The following C3orf49 variants were observed in gnomAD, a reference collection of about 807,000 sequenced individuals.
The protein encoded by C3orf49 is chromosome 3 open reading frame 49.
In C3orf49, 27 loss-of-function variants were observed where a neutral mutation model predicts 13.3. The ratio of observed to expected loss-of-function variants is 2.02; its 90% confidence interval spans 1.49 to 2.79. The LOEUF (loss-of-function observed/expected upper bound fraction) is 2.79, where lower values mean the gene tolerates loss of function less well. Ranked by LOEUF, C3orf49 falls within the 30% of genes most tolerant of loss-of-function variation. The probability of loss-of-function intolerance (pLI) is 0.00; values close to 1 mark genes in which losing one functional copy is unlikely to be tolerated. For missense variants in C3orf49, 242 were observed against 134.2 expected (o/e 1.80, Z -3.97); for synonymous variants, 87 against 47.6 (o/e 1.83, Z -3.40).
chr3:63,784,810 T>C, the C3orf49 span: 17 of 152,104 alleles, frequency 1.1e-4, no homozygotes, highest in African/African-American at 4.1e-4. Context: ...TTGAGCCAAA[T>C]ACGCACCACT....
the C3orf49 span, among the ~76,000 whole-genome samples, chr3:63,810,008 G>C: frequency 6.6e-6 from 1 of 151,846 alleles, no homozygotes; most frequent in Non-Finnish European, 1.5e-5. Flanking sequence ...AATTAGCCGG[G>C]GCATGGTGGT....
At chr3:63,838,820 C>T (rs1219646850) in intron 5 of C3orf49, among the ~76,000 whole-genome samples, 4 of 152,000 alleles carry the variant, frequency 2.6e-5, no homozygotes, top group Non-Finnish European at 4.4e-5. Context: ...CAATTCTGTT[C>T]CCACAATTTT....
intron 3 of C3orf49, among the ~76,000 whole-genome samples, chr3:63,828,180 A>C (rs1477569526): frequency 6.6e-6 from 1 of 152,166 alleles, no homozygotes; most frequent in African/African-American, 2.4e-5. Context: ...TTTAATCTTA[A>C]TTTTCATTGA....
At chr3:63,837,337 T>C (rs1385852573) in intron 5 of C3orf49, among the ~76,000 whole-genome samples, 1 of 103,190 alleles carries the variant, frequency 9.7e-6, no homozygotes, top group Non-Finnish European at 2.5e-5. Context: ...TTACACATTA[T>C]ATTTTTTATT....
the C3orf49 span, chr3:63,782,525 T>C: frequency 6.6e-6 from 1 of 152,188 alleles, no homozygotes; most frequent in Non-Finnish European, 1.5e-5. Flanking sequence ...AACACTTTAA[T>C]AACCACTGAA....
At chr3:63,813,223 A>G in the C3orf49 span, among the ~76,000 whole-genome samples, 1 of 152,216 alleles carries the variant, frequency 6.6e-6, no homozygotes, top group African/African-American at 2.4e-5. Context: ...ACAACTACAT[A>G]TATCCTTATA....
chr3:63,841,964 G>A (rs982650055), intron 5 of C3orf49, among the ~76,000 whole-genome samples: 2 of 152,120 alleles, frequency 1.3e-5, no homozygotes, highest in African/African-American at 4.8e-5. Flanking sequence ...ATCTCCAACT[G>A]TATTGAGGAC....
chr3:63,834,033 G>T, intron 5 of C3orf49: 2 of 1,215,872 alleles, frequency 1.6e-6, no homozygotes, highest in Non-Finnish European at 2.3e-6. Context: ...GTATTTTACT[G>T]CCAAAACTTT....
chr3:63,797,796 G>A, the C3orf49 span, among the ~76,000 whole-genome samples: 1 of 152,104 alleles, frequency 6.6e-6, no homozygotes, highest in African/African-American at 2.4e-5. Context: ...CTACATCTCA[G>A]AACAAATATC....
At chr3:63,839,938 T>A (rs1469575098) in intron 5 of C3orf49, among the ~76,000 whole-genome samples, 1 of 152,156 alleles carries the variant, frequency 6.6e-6, no homozygotes, top group Non-Finnish European at 1.5e-5. Flanking sequence ...AAATGGTAAA[T>A]TTTATGTTAT....
In C3orf49 at chr3:63,823,340, T is replaced by A. The variant is rs1348498304; in HGVS notation, c.216T>A (p.His72Gln). The A allele has an allele frequency of 1.4e-6, 1 of 703,182 alleles. No homozygotes were observed. The highest frequency in any genetic ancestry group is 1.7e-5 in the African/African-American group (1 of 57,400). The allele number at this position is 703,182 out of a possible 1,614,324, so 43.6% of individuals were successfully genotyped here. ...CCAGTGATAGTGACATGGGATTTCA[T>A]GAAAGCCAGCAAAATCAGAAAAGTA... ...ESSSDSDMGF[H>Q]ESQQNQKSNL... The change falls in exon 2 of 7, where the codon CAT becomes CAA. Residue 72 changes from histidine to glutamine, a missense_variant. His to Gln is a conservative substitution (Grantham distance 24). Coordinates refer to ENST00000295896, the MANE Select transcript of C3orf49 (RefSeq NM_001355236.2).
the C3orf49 span, among the ~76,000 whole-genome samples, chr3:63,785,238 T>G: frequency 6.6e-6 from 1 of 151,140 alleles, no homozygotes; most frequent in African/African-American, 2.4e-5. Flanking sequence ...TGCCCGGCCA[T>G]TTTTTTTGTA....
chr3:63,797,873 G>A, the C3orf49 span, among the ~76,000 whole-genome samples: 1 of 152,094 alleles, frequency 6.6e-6, no homozygotes, highest in African/African-American at 2.4e-5. Context: ...TGGAATTTAG[G>A]TAGGTCTAGA....
At chr3:63,809,462 A>T in the C3orf49 span, among the ~76,000 whole-genome samples, 1 of 152,244 alleles carries the variant, frequency 6.6e-6, no homozygotes, top group Non-Finnish European at 1.5e-5. Context: ...AGCACATCTT[A>T]CGTGAGTGAG....
chr3:63,830,162 T>C (rs1399112176), intron 3 of C3orf49, among the ~76,000 whole-genome samples: 4 of 152,170 alleles, frequency 2.6e-5, no homozygotes, highest in Non-Finnish European at 4.4e-5. Flanking sequence ...CAGCCCCAAC[T>C]AGTCCTGCTT....
chr3:63,797,977 GATAGATCAT>G, the C3orf49 span, among the ~76,000 whole-genome samples: 1 of 152,114 alleles, frequency 6.6e-6, no homozygotes, highest in Non-Finnish European at 1.5e-5. Flanking sequence ...TAACCCCAGA[GATAGATCAT>G]ATTAGATCAA....
chr3:63,788,722 AC>A, the C3orf49 span, among the ~76,000 whole-genome samples: 1 of 151,432 alleles, frequency 6.6e-6, no homozygotes, highest in South Asian at 2.1e-4. Flanking sequence ...TAACCCTATT[AC>A]AATTTAAAAA....
intron 5 of C3orf49, among the ~76,000 whole-genome samples, chr3:63,840,524 A>G (rs893425540): frequency 6.6e-6 from 1 of 152,152 alleles, no homozygotes; most frequent in African/African-American, 2.4e-5. Context: ...CTCGGAGATC[A>G]AGGCTGCATT....
chr3:63,832,636 T>A (rs1271700960), intron 5 of C3orf49, among the ~76,000 whole-genome samples: 1 of 152,204 alleles, frequency 6.6e-6, no homozygotes. Context: ...CACTCCAGCC[T>A]GGATGACAGG....
Sources: allele counts gnomAD v4.1 joint callset (sites outside exome capture counted in the v4.1 genomes callset), GRCh38; gene constraint gnomAD v4.1.1; transcripts MANE v1.5; gene names NCBI Gene and HGNC (gene_info 2026-07-23, HGNC 2026-07-21).